The following REELD1 variants were observed in gnomAD, a reference collection of about 807,000 sequenced individuals.
REELD1 encodes reelin domain-containing protein 1.
In REELD1, 12 loss-of-function variants were observed where a neutral mutation model predicts 6.3. The observed-to-expected ratio is 1.89, with a 90% CI of 1.21 to 3.07. The LOEUF is 3.07. Among genes scored for constraint, REELD1 ranks in the 30% most tolerant of loss-of-function variants. The pLI is 0.00. For synonymous variants in REELD1, 57 were observed against 33.6 expected, an observed-to-expected ratio of 1.70 and a Z score of -2.42; for missense variants, 163 against 86.8, an observed-to-expected ratio of 1.88 and a Z score of -3.49.
chr4:146,217,477 C>T (rs1730847599), intron 3 of REELD1, among the ~76,000 whole-genome samples: 1 of 152,078 alleles, frequency 6.6e-6, no homozygotes, highest in Admixed American at 6.5e-5. Context: ...CTCCTGGGCT[C>T]AAGTGAACCT....
At chr4:146,224,255 G>A (rs913595185) in intron 4 of REELD1, among the ~76,000 whole-genome samples, 190 bp from the exon 5 acceptor site, 1 of 152,152 alleles carries the variant, frequency 6.6e-6, no homozygotes, top group African/African-American at 2.4e-5. Flanking sequence ...CAACTATGGG[G>A]TTTTTGTTTT....
intron 3 of REELD1, among the ~76,000 whole-genome samples, chr4:146,219,157 C>T (rs1469466997): frequency 6.6e-6 from 1 of 151,974 alleles, no homozygotes; most frequent in Non-Finnish European, 1.5e-5. Context: ...GACTCTGTCT[C>T]AAACAAACAA....
At chr4:146,229,259 T>C (rs1731083564) in intron 7 of REELD1, among the ~76,000 whole-genome samples, 171 bp downstream of exon 7, 1 of 152,230 alleles carries the variant, frequency 6.6e-6, no homozygotes, top group South Asian at 2.1e-4. Context: ...TTCCATTATA[T>C]GCAGTGTCTC....
At position 146,230,440 on chromosome 4, in the gene REELD1, A is replaced by G; in HGVS notation, c.1508A>G (p.Asn503Ser). Reference sequence around the variant, plus strand: ...GTGCACGTCAGGAAGATTGGGGAGAACAGTTTTGTTTTGGTTCAAGCAGAG... The same window carrying G: ...GTGCACGTCAGGAAGATTGGGGAGAGCAGTTTTGTTTTGGTTCAAGCAGAG... Reference protein sequence around the residue: ...ETVHVRKIGENSFVLVQAEYN... With the variant: ...ETVHVRKIGESSFVLVQAEYN... The change falls in exon 8 of 8, where the codon AAC becomes AGC. Residue 503 changes from asparagine to serine, a missense_variant. Physicochemically the swap from Asn to Ser is conservative, Grantham distance 46. Transcript: ENST00000623665. 1 of 398,738 alleles carries G rather than the reference A, an allele frequency of 2.5e-6. No individual in the cohort carries two copies. The highest frequency in any genetic ancestry group is 4.4e-6 in the Non-Finnish European group (1 of 226,134). 24.7% of individuals were successfully genotyped at this position (398,738 alleles called of 1,614,324 possible).
chr4:146,215,873 C>T (rs554281864), intron 2 of REELD1, among the ~76,000 whole-genome samples: 1 of 152,056 alleles, frequency 6.6e-6, no homozygotes, highest in South Asian at 2.1e-4. Context: ...GCCTCAGCCT[C>T]CCGAGTAGCT....
At chr4:146,221,736 G>A (rs561077954) in intron 3 of REELD1, among the ~76,000 whole-genome samples, 1 of 152,016 alleles carries the variant, frequency 6.6e-6, no homozygotes, top group Non-Finnish European at 1.5e-5. Flanking sequence ...GTGCGTGCCT[G>A]TACTCCCAGC....
chr4:146,216,443 A>G (rs1037157601), intron 2 of REELD1, among the ~76,000 whole-genome samples: 2 of 152,228 alleles, frequency 1.3e-5, no homozygotes, highest in Non-Finnish European at 2.9e-5. Flanking sequence ...TAGTTGGTAG[A>G]TGTTTTGTAG....
chr4:146,221,932 T>G (rs559488896), intron 3 of REELD1, among the ~76,000 whole-genome samples: 35 of 152,350 alleles, frequency 2.3e-4, no homozygotes, highest in Non-Finnish European at 1.3e-4. Context: ...AGTCATCTTT[T>G]TATGAATTCA....
Position 146,228,266 on chromosome 4 carries a change from C to G in REELD1, c.652C>G (p.Leu218Val), listed in dbSNP as rs1224741365. 3.1e-5 allele frequency: 22 copies of G among 702,456 alleles called. No individual in the cohort carries two copies. The East Asian group carries it at 3.8e-4, about 12-fold the overall frequency. 43.5% of individuals were successfully genotyped at this position (702,456 alleles called of 1,614,324 possible). The change falls in exon 6 of 8, where the codon CTT becomes GTT. Residue 218 changes from leucine (L) to valine (V), a missense_variant. Transcript: ENST00000623665. Reference sequence around the variant, plus strand: ...GCACACACATGTCTTTGCTGTTGCCCTTCCTGGAGCTGCAGAGGAGGACAA... The same window carrying G: ...GCACACACATGTCTTTGCTGTTGCCGTTCCTGGAGCTGCAGAGGAGGACAA... Reference protein sequence around the residue: ...QQHTHVFAVALPGAAEEDNLD... With the variant: ...QQHTHVFAVAVPGAAEEDNLD...
At chr4:146,217,528 G>A (rs994429030) in intron 3 of REELD1, among the ~76,000 whole-genome samples, 2 of 152,138 alleles carry the variant, frequency 1.3e-5, no homozygotes, top group African/African-American at 4.8e-5. Context: ...ACAGGCACAA[G>A]CTACCATGCC....
chr4:146,216,134 C>T (rs1331138478), intron 2 of REELD1, among the ~76,000 whole-genome samples: 1 of 152,182 alleles, frequency 6.6e-6, no homozygotes, highest in East Asian at 1.9e-4. Flanking sequence ...TGCTATCTCT[C>T]ATTTTATTTT....
intron 5 of REELD1, among the ~76,000 whole-genome samples, chr4:146,225,139 C>T (rs1009757367): frequency 6.6e-6 from 1 of 152,082 alleles, no homozygotes; most frequent in Non-Finnish European, 1.5e-5. Context: ...TTTCCTTGCT[C>T]ACTACATGGC....
chr4:146,224,409 A>G (rs1730983311), intron 4 of REELD1, 36 bp from the exon 5 acceptor site: 2 of 538,022 alleles, frequency 3.7e-6, no homozygotes, highest in Non-Finnish European at 3.3e-6. Context: ...AAGGAAACTA[A>G]ATCCGTGAAC....
intron 5 of REELD1, 39 bp from the exon 6 acceptor site, chr4:146,228,171 C>T: frequency 1.5e-6 from 1 of 679,734 alleles, no homozygotes; most frequent in Admixed American, 2.0e-5. Context: ...GGGGAAAATG[C>T]TCTCACTCAC....
intron 5 of REELD1, 144 bp downstream of exon 5, chr4:146,224,752 T>C (rs1730990634): frequency 1.6e-6 from 1 of 620,956 alleles, no homozygotes; most frequent in South Asian, 1.9e-5. Flanking sequence ...GCAGCAGTTC[T>C]TGGGGATGTG....
rs1731126986 is a variant in REELD1, at chr4:146,231,264, G to A, written c.*751G>A. Among the ~76,000 whole-genome samples the A allele has an allele frequency of 6.6e-6, 1 of 152,210 alleles. No individual in the cohort carries two copies. Among genetic ancestry groups the A allele is most frequent in the South Asian group, 2.1e-4 (1 of 4,832 alleles). ...TGAGACCTCCCATCCATTTACACTTGATGGAAACATTCGTGTATCCCAACA... is the reference window on the plus strand; with the variant it reads ...TGAGACCTCCCATCCATTTACACTTAATGGAAACATTCGTGTATCCCAACA... On this transcript the variant is annotated 3_prime_UTR_variant, in exon 8 of 8. Transcript: ENST00000623665.
In REELD1 at chr4:146,232,006, A is replaced by ATTTG. The variant is rs1173411578; in HGVS notation, c.*1494_*1495insTTGT. 2.6e-5 allele frequency: 4 copies of ATTTG among 152,222 alleles called. No homozygotes were observed. The highest frequency in any genetic ancestry group is 5.9e-5 in the Non-Finnish European group (4 of 68,048). The allele number at this position is 152,222 out of a possible 1,614,324, so 9.4% of individuals were successfully genotyped here. Reference sequence around the variant, plus strand: ...AAAGAAACAAAAGTACTGTAGTCTAATAAGGCCACAGATATCCCTTCTGTA... The same window carrying ATTTG: ...AAAGAAACAAAAGTACTGTAGTCTAATTTGTAAGGCCACAGATATCCCTTCTGTA... On this transcript the variant is annotated 3_prime_UTR_variant, in exon 8 of 8. Coordinates refer to ENST00000623665, the MANE Select transcript of REELD1 (RefSeq NM_001354631.1).
chr4:146,225,468 C>T (rs781201343), intron 5 of REELD1, among the ~76,000 whole-genome samples: 7 of 152,164 alleles, frequency 4.6e-5, no homozygotes, highest in African/African-American at 7.2e-5. Context: ...GACCCAGGTA[C>T]AGAGACAGTG....
intron 3 of REELD1, among the ~76,000 whole-genome samples, chr4:146,221,903 C>A (rs1730930267): frequency 6.6e-6 from 1 of 151,752 alleles, no homozygotes; most frequent in Admixed American, 6.6e-5. Flanking sequence ...CTGTTTGTAT[C>A]CTTTCATTAT....
Sources: allele counts gnomAD v4.1 joint callset (sites outside exome capture counted in the v4.1 genomes callset), GRCh38; gene constraint gnomAD v4.1.1; transcripts MANE v1.5; gene names NCBI Gene and HGNC (gene_info 2026-07-23, HGNC 2026-07-21).